HECTD4: variants seen among roughly 807,000 people sequenced by gnomAD.
The protein encoded by HECTD4 is HECT domain E3 ubiquitin protein ligase 4.
A neutral mutation model predicts 471.5 loss-of-function variants in HECTD4; 114 were observed. That is an observed-to-expected ratio of 0.24 (90% CI 0.21 to 0.28). The LOEUF is 0.28. Among genes scored for constraint, HECTD4 ranks in the 10% least tolerant of loss-of-function variants. The pLI is 1.00. For missense variants in HECTD4, 3,866 were observed against 5,651.5 expected, an observed-to-expected ratio of 0.68 and a Z score of 10.13; for synonymous variants, 2,012 against 2,256.0, an observed-to-expected ratio of 0.89 and a Z score of 3.07.
In HECTD4 at chr12:112,228,340, A is replaced by G; in HGVS notation, c.6685-82T>C. The G allele has an allele frequency of 1.5e-6, 2 of 1,323,984 alleles. No homozygotes were observed. Among genetic ancestry groups the G allele is most frequent in the Non-Finnish European group, 2.0e-6 (2 of 1,009,972 alleles). The allele number at this position is 1,323,984 out of a possible 1,614,324, so 82.0% of individuals were successfully genotyped here. ...AAATGAGGGTGTTATTATTATCTGG[A>G]GTTAATTCTTAAATTTTCAGTTAAA... On this transcript the variant is annotated intron_variant, in intron 42 of 75. Coordinates refer to ENST00000682272, the MANE Select transcript of HECTD4 (RefSeq NM_001388303.1). The surrounding 1 kb of genome is among the most constrained non-coding windows in gnomAD (Gnocchi z 4.9).
At chr12:112,230,964 G>A in intron 39 of HECTD4, 142 bp from the exon 40 acceptor site, 1 of 709,768 alleles carries the variant, frequency 1.4e-6, no homozygotes, top group Non-Finnish European at 2.3e-6. Context: ...AAAACAAGAA[G>A]CTACATTATC....
intron 9 of HECTD4, among the ~76,000 whole-genome samples, chr12:112,278,714 G>A (rs1594003996): frequency 2.0e-5 from 3 of 152,192 alleles, no homozygotes; most frequent in South Asian, 4.1e-4. Flanking sequence ...CCAACATGGC[G>A]AAACGCCATC....
At chr12:112,290,239 G>A (rs373999906) in intron 7 of HECTD4, among the ~76,000 whole-genome samples, 1 of 151,398 alleles carries the variant, frequency 6.6e-6, no homozygotes, top group Non-Finnish European at 1.5e-5. Flanking sequence ...AGGATCACTT[G>A]AGCCCGGGAG....
rs1249927271 is a variant in HECTD4 at position 112,184,522 on chromosome 12, T to C, written c.10444A>G (p.Ser3482Gly). ...CTGGTGGAGGCGGAGGCGCTGATGC[T>C]CATGGCGGGGGTCAGGCTGCTGGAC... ...STSSSLTPAM[S>G]ISASASTSQA... Residue 3482 changes from serine to glycine, a missense_variant, in exon 61 of 76, where the codon AGC becomes GGC. Physicochemically the swap from Ser to Gly is moderately conservative, Grantham distance 56 (BLOSUM62 0). This residue lies in a region of HECTD4 where 192 missense variants were observed against 189.9 expected (regional missense o/e 1.01). Coordinates refer to ENST00000682272, the MANE Select transcript of HECTD4 (RefSeq NM_001388303.1). This position sits in a 1 kb window ranked among gnomAD's most constrained non-coding sequence, Gnocchi z 9.1. 1.2e-6 allele frequency: 2 copies of C among 1,612,080 alleles called. No individual in the cohort carries two copies. Among genetic ancestry groups the C allele is most frequent in the Non-Finnish European group, 1.7e-6 (2 of 1,179,450 alleles).
intron 7 of HECTD4, among the ~76,000 whole-genome samples, chr12:112,304,709 T>A (rs1006989704): frequency 1.3e-5 from 2 of 151,964 alleles, no homozygotes; most frequent in Non-Finnish European, 2.9e-5. Context: ...CTGACAATTA[T>A]GAACACATGT....
chr12:112,250,282 A>T lies in HECTD4; in HGVS notation c.3812T>A (p.Phe1271Tyr). The change falls in exon 25 of 76, where the codon TTC becomes TAC. Residue 1271 changes from phenylalanine (F) to tyrosine (Y), a missense_variant. Around this residue, in one of 16 missense-constraint regions of HECTD4, gnomAD observed 281 missense variants for 499.9 expected, o/e 0.56. Transcript: ENST00000682272. ...LPLTIEEDRE[F>Y]TYPSDVLVPP... ...CACGAGGACATCAGAGGGGTAGGTG[A>T]ATTCTCTGTCTTCCTCTATGGTCAG... 1 of 1,613,972 alleles carries T rather than the reference A, an allele frequency of 6.2e-7. No individual in the cohort carries two copies. Among genetic ancestry groups the T allele is most frequent in the Non-Finnish European group, 8.5e-7 (1 of 1,179,884 alleles).
At chr12:112,172,193 G>A (rs1461710332) in intron 67 of HECTD4, among the ~76,000 whole-genome samples, 5 of 152,224 alleles carry the variant, frequency 3.3e-5, no homozygotes, top group Non-Finnish European at 5.9e-5. Flanking sequence ...ATGAGCTAGC[G>A]CGCCTGGCCC....
chr12:112,224,485 C>A (rs552200815), intron 44 of HECTD4, among the ~76,000 whole-genome samples: 4 of 152,262 alleles, frequency 2.6e-5, no homozygotes, highest in Non-Finnish European at 5.9e-5. Context: ...CCAGGATGGT[C>A]TCCATCTCCT....
intron 1 of HECTD4, among the ~76,000 whole-genome samples, chr12:112,323,764 A>C (rs2035632561): frequency 6.6e-6 from 1 of 151,896 alleles, no homozygotes; most frequent in African/African-American, 2.4e-5. Context: ...ATAACATGTT[A>C]AAATTCATAG....
At chr12:112,280,592 A>T (rs2135637335) in intron 8 of HECTD4, among the ~76,000 whole-genome samples, 1 of 151,970 alleles carries the variant, frequency 6.6e-6, no homozygotes, top group Admixed American at 6.6e-5. Context: ...TTTAAGCTGC[A>T]AGCCCCCACC....
In HECTD4 at chr12:112,188,146, G is replaced by A. The variant is rs966346162; in HGVS notation, c.9472+2640C>T. Among the ~76,000 whole-genome samples, 7 of 151,958 alleles carry A rather than the reference G, an allele frequency of 4.6e-5. No homozygotes were observed. Among genetic ancestry groups the A allele is most frequent in the African/African-American group, 7.2e-5 (3 of 41,416 alleles). ...TACTAAAAATACAAAAAAATTAGCT[G>A]GGCATGGTAGCGGGCGCCTGTATTC... is the stretch of plus-strand genomic sequence containing the variant. On this transcript the variant is annotated intron_variant, in intron 60 of 75. Transcript: ENST00000682272. The surrounding 1 kb of genome is among the most constrained non-coding windows in gnomAD (Gnocchi z 4.2).
chr12:112,287,777 A>G (rs2034787027), intron 7 of HECTD4, among the ~76,000 whole-genome samples: 1 of 152,092 alleles, frequency 6.6e-6, no homozygotes, highest in Admixed American at 6.5e-5. Context: ...AAAAAGAGTT[A>G]TAGAAGATTC....
In HECTD4 at chr12:112,188,024, T is replaced by C. The variant is rs982843086; in HGVS notation, c.9473-2531A>G. ...CATGCTGGCTGGGCTCAGTGGTTCA[T>C]GCCTGTAATCCCAGTACTATGGGAG... On this transcript the variant is annotated intron_variant, in intron 60 of 75. Coordinates refer to ENST00000682272, the MANE Select transcript of HECTD4 (RefSeq NM_001388303.1). This position sits in a 1 kb window ranked among gnomAD's most constrained non-coding sequence, Gnocchi z 4.2. 2.6e-5 allele frequency among the ~76,000 whole-genome samples: 4 copies of C among 151,600 alleles called. No individual in the cohort carries two copies. The highest frequency in any genetic ancestry group is 9.7e-5 in the African/African-American group (4 of 41,312).
rs142106640 is a variant in HECTD4 at position 112,164,917 on chromosome 12, C to T, written c.12535-642G>A. ...GATTACAGGTGTGAGCCACTGCACCCAGACCGCTTTTTCTTTTTTTTTTTT... is the reference window on the plus strand; with the variant it reads ...GATTACAGGTGTGAGCCACTGCACCTAGACCGCTTTTTCTTTTTTTTTTTT... On this transcript the variant is annotated intron_variant, in intron 72 of 75. Coordinates refer to ENST00000682272, the MANE Select transcript of HECTD4 (RefSeq NM_001388303.1). Among the ~76,000 whole-genome samples the T allele has an allele frequency of 4.7e-3, 703 of 150,624 alleles. 7 individuals are homozygous for T. The highest frequency in any genetic ancestry group is 0.016 in the African/African-American group (643 of 40,968).
chr12:112,379,027 G>A (rs1413351165), intron 1 of HECTD4, among the ~76,000 whole-genome samples: 1 of 151,714 alleles, frequency 6.6e-6, no homozygotes, highest in Non-Finnish European at 1.5e-5. Flanking sequence ...GGGCGACAGA[G>A]CAAGACTCCG....
At chr12:112,370,902 T>G (rs530950032) in intron 1 of HECTD4, among the ~76,000 whole-genome samples, 10 of 152,236 alleles carry the variant, frequency 6.6e-5, no homozygotes, top group Non-Finnish European at 1.5e-4. Flanking sequence ...CCTGCTGTTA[T>G]TTACATTTGT....
In HECTD4 at chr12:112,229,716, C is replaced by T; in HGVS notation, c.6501G>A (p.Lys2167=). 2 of 1,613,500 alleles carry T rather than the reference C, an allele frequency of 1.2e-6. No individual in the cohort carries two copies. Among genetic ancestry groups the T allele is most frequent in the South Asian group, 1.1e-5 (1 of 91,038 alleles). ...CALGGFKETI[K]IGSEVQVLGR... ...TTGGTACCTGAACCTCGGATCCTAT[C>T]TTGATTGTCTCTTTGAAGCCTCCAA... Residue 2167 remains lysine, a synonymous_variant, in exon 41 of 76, where the codon AAG becomes AAA. Transcript: ENST00000682272.
intron 72 of HECTD4, among the ~76,000 whole-genome samples, chr12:112,165,349 ATTTTT>A (rs35375585): frequency 7.8e-6 from 1 of 128,464 alleles, no homozygotes; most frequent in Admixed American, 7.9e-5. Context: ...AGAGCAACTA[ATTTTT>A]TTTTTTTTTT....
At chr12:112,347,383 C>G (rs1290265252) in intron 1 of HECTD4, among the ~76,000 whole-genome samples, 1 of 152,098 alleles carries the variant, frequency 6.6e-6, no homozygotes, top group Non-Finnish European at 1.5e-5. Context: ...ATGGAGCACG[C>G]TTGTAATCCC....
Sources: allele counts gnomAD v4.1 joint callset (sites outside exome capture counted in the v4.1 genomes callset), GRCh38; gene constraint gnomAD v4.1.1; regional missense constraint gnomAD v4.1.1; non-coding constraint Gnocchi (gnomAD v3.1); transcripts MANE v1.5; gene names NCBI Gene and HGNC (gene_info 2026-07-23, HGNC 2026-07-21).